Variants in GABBR2 observed in about 807,000 individuals in gnomAD.
GABBR2 encodes the protein gamma-aminobutyric acid type B receptor subunit 2.
GABBR2 carries 23 observed loss-of-function variants against 105.6 expected under a neutral mutation model. The observed-to-expected ratio is 0.22, with a 90% CI of 0.16 to 0.31. The LOEUF (loss-of-function observed/expected upper bound fraction) is 0.31. GABBR2 is among the 10% of genes least tolerant of loss of function. GABBR2 has a pLI of 1.00. For missense variants in GABBR2, 734 were observed against 1,245.5 expected (o/e 0.59, Z 6.18); for synonymous variants, 478 against 499.7 (o/e 0.96, Z 0.58).
intron 3 of GABBR2, among the ~76,000 whole-genome samples, chr9:98,514,706 G>A (rs181489903): frequency 5.3e-5 from 8 of 150,172 alleles, no homozygotes; most frequent in Non-Finnish European, 8.9e-5. Context: ...GCTAAATGAC[G>A]AGTTAATGGG....
intron 2 of GABBR2, among the ~76,000 whole-genome samples, chr9:98,550,877 A>G (rs1260150292): frequency 6.6e-6 from 1 of 152,142 alleles, no homozygotes; most frequent in African/African-American, 2.4e-5. Context: ...GAGTCTGTTC[A>G]CACGGGGGAT....
At chr9:98,638,756 C>T (rs1829916427) in intron 1 of GABBR2, among the ~76,000 whole-genome samples, 1 of 152,094 alleles carries the variant, frequency 6.6e-6, no homozygotes, top group South Asian at 2.1e-4. Context: ...TAGCAAAAGA[C>T]AAGATAAAGG....
At chr9:98,593,713 C>A (rs1829181863) in intron 1 of GABBR2, among the ~76,000 whole-genome samples, 1 of 152,176 alleles carries the variant, frequency 6.6e-6, no homozygotes, top group African/African-American at 2.4e-5. Context: ...CCAGAGCTAT[C>A]CCGACAGCTC....
At chr9:98,681,764 T>TAAA (rs34330477) in intron 1 of GABBR2, among the ~76,000 whole-genome samples, 7 of 151,212 alleles carry the variant, frequency 4.6e-5, no homozygotes, top group South Asian at 2.1e-4. Flanking sequence ...AAGAAAACAA[T>TAAA]AAAAAAAAGA....
chr9:98,667,454 C>G (rs750330107), intron 1 of GABBR2, among the ~76,000 whole-genome samples: 5 of 152,140 alleles, frequency 3.3e-5, no homozygotes, highest in Non-Finnish European at 5.9e-5. Flanking sequence ...AGAAGCCACC[C>G]TCGGCCAAGT....
chr9:98,706,919 G>A lies in GABBR2; in HGVS notation c.321+1498C>T, dbSNP rs548479192. Among the ~76,000 whole-genome samples, 34 of 152,302 alleles carry A rather than the reference G, an allele frequency of 2.2e-4. 2 individuals are homozygous for A. The South Asian group carries it at 7.1e-3, about 32-fold the overall frequency. On this transcript the variant is annotated intron_variant, in intron 1 of 18. Coordinates refer to ENST00000259455, the MANE Select transcript of GABBR2 (RefSeq NM_005458.8). ...CTTGAGATGCTCAGGCAAAGACGAG[G>A]GCGATAGGAATGTCATTCGGAAATG... is the stretch of plus-strand genomic sequence containing the variant.
At chr9:98,688,673 C>T (rs1441063138) in intron 1 of GABBR2, among the ~76,000 whole-genome samples, 1 of 152,062 alleles carries the variant, frequency 6.6e-6, no homozygotes, top group Non-Finnish European at 1.5e-5. Flanking sequence ...CTAAATGAAC[C>T]CAGGGTGACC....
At chr9:98,699,438 C>G (rs10114778) in intron 1 of GABBR2, among the ~76,000 whole-genome samples, 13,993 of 152,182 alleles carry the variant, frequency 0.092, 1,398 homozygotes, top group African/African-American at 0.25. Flanking sequence ...AAAGCTCACC[C>G]TCACATGGCT....
chr9:98,629,423 A>G (rs898975682), intron 1 of GABBR2, among the ~76,000 whole-genome samples: 1 of 152,196 alleles, frequency 6.6e-6, no homozygotes, highest in African/African-American at 2.4e-5. Flanking sequence ...CTTAAATTAC[A>G]AGCCATTTTC....
chr9:98,512,902 C>G (rs759568393), intron 3 of GABBR2, among the ~76,000 whole-genome samples: 28 of 152,266 alleles, frequency 1.8e-4, no homozygotes, highest in Middle Eastern at 3.4e-3. Context: ...TTGGAGAAAA[C>G]TACTTTAAAG....
intron 13 of GABBR2, among the ~76,000 whole-genome samples, chr9:98,360,750 G>C (rs576470197): frequency 7.9e-5 from 12 of 152,338 alleles, no homozygotes; most frequent in African/African-American, 2.9e-4. Flanking sequence ...GGTTTACCTT[G>C]TTTAAACGGT....
intron 1 of GABBR2, among the ~76,000 whole-genome samples, chr9:98,605,979 G>A (rs1829413517): frequency 6.6e-6 from 1 of 151,830 alleles, no homozygotes; most frequent in South Asian, 2.1e-4. Context: ...CTGTGTCCAA[G>A]CATTCTCATT....
Position 98,450,829 on chromosome 9 carries a change from A to G in GABBR2, c.1236+3152T>C, listed in dbSNP as rs934882530. Among the ~76,000 whole-genome samples, 6 of 152,196 alleles carry G rather than the reference A, an allele frequency of 3.9e-5. No homozygotes were observed. In the East Asian group the frequency reaches 5.8e-4, roughly 15 times the overall value. On this transcript the variant is annotated intron_variant, in intron 7 of 18. Transcript: ENST00000259455. ...TTTCAGGCAGTCTATCTAATTGCTC[A>G]TCAAGTAAGGATTATGTATTATTTG...
chr9:98,441,677 T>A (rs1045403388), intron 7 of GABBR2, among the ~76,000 whole-genome samples: 2 of 152,224 alleles, frequency 1.3e-5, no homozygotes, highest in African/African-American at 4.8e-5. Flanking sequence ...GGGAGTTATT[T>A]AATGGGTATG....
chr9:98,548,928 A>G (rs112860481), intron 2 of GABBR2, among the ~76,000 whole-genome samples: 2,210 of 119,464 alleles, frequency 0.018, 407 homozygotes, highest in African/African-American at 0.056. Flanking sequence ...TTGTTTGTTT[A>G]TTTGTTTGGT....
chr9:98,386,644 C>A (rs916432958), intron 10 of GABBR2, among the ~76,000 whole-genome samples: 2 of 152,122 alleles, frequency 1.3e-5, no homozygotes, highest in African/African-American at 4.8e-5. Context: ...GGTGCCTGGC[C>A]CCCCCAGCAC....
intron 13 of GABBR2, among the ~76,000 whole-genome samples, chr9:98,352,506 C>T (rs1241233953): frequency 6.6e-6 from 1 of 152,106 alleles, no homozygotes; most frequent in Non-Finnish European, 1.5e-5. Context: ...TGGACTAATA[C>T]TCAGATTCCC....
intron 1 of GABBR2, among the ~76,000 whole-genome samples, chr9:98,678,252 A>G (rs900387851): frequency 1.3e-5 from 2 of 152,146 alleles, no homozygotes; most frequent in Admixed American, 1.3e-4. Context: ...TATTGTTTTC[A>G]TCCTGCTTTA....
intron 2 of GABBR2, among the ~76,000 whole-genome samples, chr9:98,554,837 C>A (rs1588226595): frequency 6.6e-6 from 1 of 152,036 alleles, no homozygotes. Flanking sequence ...TATTTTAAGT[C>A]AAAAATGGGA....
Sources: allele counts gnomAD v4.1 joint callset (sites outside exome capture counted in the v4.1 genomes callset), GRCh38; gene constraint gnomAD v4.1.1; transcripts MANE v1.5; gene names NCBI Gene and HGNC (gene_info 2026-07-23, HGNC 2026-07-21).